The following MLLT3 variants were observed in gnomAD, a reference collection of about 807,000 sequenced individuals.
MLLT3 encodes the protein protein AF-9.
In MLLT3, 4 loss-of-function variants were observed where a neutral mutation model predicts 53.2. That is an observed-to-expected ratio of 0.08 (90% CI 0.04 to 0.17). The LOEUF (loss-of-function observed/expected upper bound fraction) is 0.17, where lower values mean the gene tolerates loss of function less well. MLLT3 is among the 10% of genes least tolerant of loss of function. The pLI is 1.00. For missense variants in MLLT3, 569 were observed against 684.0 expected, an observed-to-expected ratio of 0.83 and a Z score of 1.87; for synonymous variants, 283 against 230.6, an observed-to-expected ratio of 1.23 and a Z score of -2.06.
intron 2 of MLLT3, among the ~76,000 whole-genome samples, chr9:20,518,929 G>A (rs1817984934): frequency 6.6e-6 from 1 of 152,156 alleles, no homozygotes; most frequent in Non-Finnish European, 1.5e-5. Flanking sequence ...TCCTGGTTTG[G>A]ATCCTGATTT....
At chr9:20,348,493 T>G (rs773395514) in intron 10 of MLLT3, among the ~76,000 whole-genome samples, 2 of 152,206 alleles carry the variant, frequency 1.3e-5, no homozygotes, top group African/African-American at 4.8e-5. Context: ...ATACAGCTTA[T>G]GAAAGATGGA....
rs76036325 is a variant in MLLT3, at chr9:20,590,549, T to C, written c.193+30105A>G. On this transcript the variant is annotated intron_variant, in intron 2 of 10. Coordinates refer to ENST00000380338, the MANE Select transcript of MLLT3 (RefSeq NM_004529.4). ...TTCATTGTCTGTCTGTCTCTCTCTC[T>C]GTCACTCTCTCACCTGCCTGCCACC... Among the ~76,000 whole-genome samples, 103 of 152,306 alleles carry C rather than the reference T, an allele frequency of 6.8e-4. 2 individuals are homozygous for C. In the East Asian group the frequency reaches 0.019, roughly 28 times the overall value.
chr9:20,352,158 C>CA (rs1821044561), intron 10 of MLLT3, among the ~76,000 whole-genome samples: 1 of 152,196 alleles, frequency 6.6e-6, no homozygotes, highest in South Asian at 2.1e-4. Context: ...AAGATCTGCC[C>CA]AATGGCCTAG....
In MLLT3 at chr9:20,345,063, G is replaced by C. The variant is rs935364548; in HGVS notation, c.*1380C>G. 1 of 216,988 alleles carries C rather than the reference G, an allele frequency of 4.6e-6. No individual in the cohort carries two copies. The highest frequency in any genetic ancestry group is 2.2e-5 in the African/African-American group (1 of 44,468). 13.4% of individuals were successfully genotyped at this position (216,988 alleles called of 1,614,324 possible). A position where few individuals can be genotyped will look rare whatever the true frequency, so the allele number is the denominator to read the frequency against. On this transcript the variant is annotated 3_prime_UTR_variant, in exon 11 of 11. Transcript: ENST00000380338. ...GAATAATGACACCAAAAGTACTTTGGTTTTTTTCTTTTAAAAATAATTTGC... is the reference window on the plus strand; with the variant it reads ...GAATAATGACACCAAAAGTACTTTGCTTTTTTTCTTTTAAAAATAATTTGC...
chr9:20,622,184 G>T (rs754494514), intron 1 of MLLT3, 61 bp downstream of exon 1: 1 of 1,515,552 alleles, frequency 6.6e-7, no homozygotes, highest in Non-Finnish European at 9.1e-7. Context: ...GGGCTGCGGC[G>T]GCGCAGGGCG....
intron 2 of MLLT3, among the ~76,000 whole-genome samples, chr9:20,583,700 T>C (rs1198895915): frequency 6.6e-6 from 1 of 152,158 alleles, no homozygotes; most frequent in Non-Finnish European, 1.5e-5. Flanking sequence ...ATGTACGTTG[T>C]TCCCTTTCAG....
At chr9:20,405,226 A>G (rs959210072) in intron 5 of MLLT3, among the ~76,000 whole-genome samples, 1 of 152,182 alleles carries the variant, frequency 6.6e-6, no homozygotes, top group Non-Finnish European at 1.5e-5. Flanking sequence ...TAGGTTACAT[A>G]AAGCAAGACT....
At chr9:20,586,199 A>C (rs570019667) in intron 2 of MLLT3, among the ~76,000 whole-genome samples, 2 of 152,210 alleles carry the variant, frequency 1.3e-5, no homozygotes, top group Admixed American at 6.5e-5. Context: ...GTGTGCCTGT[A>C]GTCCCAGCTA....
At chr9:20,389,328 G>C (rs1009826744) in intron 5 of MLLT3, among the ~76,000 whole-genome samples, 11 of 152,226 alleles carry the variant, frequency 7.2e-5, no homozygotes, top group Non-Finnish European at 1.5e-4. Context: ...TGTACAGATA[G>C]AAAGTAGATT....
chr9:20,514,268 G>C (rs1388248906), intron 2 of MLLT3, among the ~76,000 whole-genome samples: 1 of 152,172 alleles, frequency 6.6e-6, no homozygotes, highest in Non-Finnish European at 1.5e-5. Flanking sequence ...GTGTCCTGAT[G>C]AGTGGAGGTT....
chr9:20,495,607 A>G (rs1332835152), intron 2 of MLLT3, among the ~76,000 whole-genome samples: 1 of 152,174 alleles, frequency 6.6e-6, no homozygotes, highest in African/African-American at 2.4e-5. Flanking sequence ...TTTTCATTAC[A>G]CAACCGGAAC....
intron 2 of MLLT3, among the ~76,000 whole-genome samples, chr9:20,603,982 A>G (rs761795962): frequency 6.6e-6 from 1 of 152,086 alleles, no homozygotes; most frequent in South Asian, 2.1e-4. Flanking sequence ...TTGTTTAAGA[A>G]GTATTATTTT....
chr9:20,442,968 T>C (rs1003459569), intron 4 of MLLT3, among the ~76,000 whole-genome samples: 6 of 152,258 alleles, frequency 3.9e-5, no homozygotes, highest in Non-Finnish European at 7.4e-5. Context: ...TTTCTGCCTA[T>C]AGAAACCCTA....
In MLLT3 at chr9:20,343,552, G is replaced by C. The variant is rs943219938; in HGVS notation, c.*2891C>G. 7 of 229,248 alleles carry C rather than the reference G, an allele frequency of 3.1e-5. No individual in the cohort carries two copies. The highest frequency in any genetic ancestry group is 8.6e-6 in the Non-Finnish European group (1 of 115,632). The allele number at this position is 229,248 out of a possible 1,614,324, so 14.2% of individuals were successfully genotyped here. ...CAAACCCACCAACACACATCCTGCT[G>C]CAAAACCAGAGGCAAAAGCTAAGTT... On this transcript the variant is annotated 3_prime_UTR_variant, in exon 11 of 11. Transcript: ENST00000380338.
intron 2 of MLLT3, among the ~76,000 whole-genome samples, chr9:20,606,600 AGT>A (rs1337319191): frequency 6.6e-6 from 1 of 152,124 alleles, no homozygotes; most frequent in African/African-American, 2.4e-5. Context: ...ATGGCTAGGG[AGT>A]GTGGGAGGTG....
At chr9:20,541,293 G>A (rs543558558) in intron 2 of MLLT3, among the ~76,000 whole-genome samples, 18 of 152,230 alleles carry the variant, frequency 1.2e-4, no homozygotes, top group Middle Eastern at 3.4e-3. Flanking sequence ...CTGGTACCCC[G>A]TTCCAAAGTT....
At chr9:20,368,740 C>G (rs1221895837) in intron 5 of MLLT3, among the ~76,000 whole-genome samples, 1 of 152,156 alleles carries the variant, frequency 6.6e-6, no homozygotes, top group Non-Finnish European at 1.5e-5. Context: ...TTTTATTCAT[C>G]ATTTATGATT....
intron 5 of MLLT3, among the ~76,000 whole-genome samples, chr9:20,378,882 C>G (rs1262996109): frequency 6.6e-6 from 1 of 151,948 alleles, no homozygotes; most frequent in Admixed American, 6.6e-5. Flanking sequence ...CTCAATGTAG[C>G]CCCTTTAAAA....
intron 2 of MLLT3, among the ~76,000 whole-genome samples, chr9:20,462,221 A>T (rs1344660767): frequency 6.6e-6 from 1 of 152,236 alleles, no homozygotes; most frequent in Non-Finnish European, 1.5e-5. Flanking sequence ...ACACACAAAA[A>T]GATTCACCAT....
Sources: allele counts gnomAD v4.1 joint callset (sites outside exome capture counted in the v4.1 genomes callset), GRCh38; gene constraint gnomAD v4.1.1; transcripts MANE v1.5; gene names NCBI Gene and HGNC (gene_info 2026-07-23, HGNC 2026-07-21).